The following AGBL1 variants were observed in gnomAD, a reference collection of about 807,000 sequenced individuals.
AGBL1 encodes the protein cytosolic carboxypeptidase 4.
AGBL1 carries 130 observed loss-of-function variants against 118.9 expected under a neutral mutation model. The ratio of observed to expected loss-of-function variants is 1.09; its 90% CI spans 0.95 to 1.26. The LOEUF (loss-of-function observed/expected upper bound fraction) is 1.26, where lower values mean the gene tolerates loss of function less well. Among genes scored for constraint, AGBL1 ranks in the 50% most tolerant of loss-of-function variants. The pLI, the probability that AGBL1 is intolerant of heterozygous loss-of-function variation, is 0.00. For missense variants in AGBL1, 1,584 were observed against 1,298.1 expected, an observed-to-expected ratio of 1.22 and a Z score of -3.38; for synonymous variants, 555 against 478.9, an observed-to-expected ratio of 1.16 and a Z score of -2.08.
At chr15:86,444,812 T>C (rs2082102756) in intron 18 of AGBL1, among the ~76,000 whole-genome samples, 2 of 152,180 alleles carry the variant, frequency 1.3e-5, no homozygotes, top group South Asian at 4.2e-4. Context: ...CACAGTCCCA[T>C]GACAACCACA....
At chr15:86,841,283 A>G (rs1315093551) in intron 22 of AGBL1, among the ~76,000 whole-genome samples, 2 of 152,152 alleles carry the variant, frequency 1.3e-5, no homozygotes, top group East Asian at 1.9e-4. Context: ...TCTTTTCCAG[A>G]GGGATTTTGT....
At chr15:86,572,689 G>T (rs546941179) in intron 21 of AGBL1, among the ~76,000 whole-genome samples, 1 of 152,194 alleles carries the variant, frequency 6.6e-6, no homozygotes, top group Admixed American at 6.5e-5. Context: ...AGGGTACAGG[G>T]CACAGGAGTC....
At chr15:86,571,516 G>T (rs2084005859) in intron 21 of AGBL1, among the ~76,000 whole-genome samples, 1 of 152,132 alleles carries the variant, frequency 6.6e-6, no homozygotes, top group Admixed American at 6.5e-5. Flanking sequence ...GCTCTCTGCA[G>T]CTGGTTGTCC....
chr15:86,142,910 G>C (rs545777602), intron 2 of AGBL1, among the ~76,000 whole-genome samples: 2 of 152,302 alleles, frequency 1.3e-5, no homozygotes, highest in African/African-American at 4.8e-5. Flanking sequence ...CTCTTGCAGA[G>C]AATGCTACTT....
At chr15:86,520,414 C>T (rs1279430428) in intron 18 of AGBL1, among the ~76,000 whole-genome samples, 1 of 152,156 alleles carries the variant, frequency 6.6e-6, no homozygotes, top group Non-Finnish European at 1.5e-5. Flanking sequence ...TATCTGGTAG[C>T]AGCTTGGAGT....
intron 21 of AGBL1, among the ~76,000 whole-genome samples, chr15:86,579,877 G>A (rs1422354121): frequency 6.6e-6 from 1 of 152,134 alleles, no homozygotes. Flanking sequence ...GGAAGAAGTG[G>A]GAAAAGCCTA....
At chr15:86,286,735 G>GTATATATATATATATATATA (rs535707426) in intron 16 of AGBL1, among the ~76,000 whole-genome samples, 32 of 106,250 alleles carry the variant, frequency 3.0e-4, no homozygotes, top group Non-Finnish European at 5.5e-4. Context: ...GTTTGTGTGT[G>GTATATATATATATATATATA]TATATATATA....
At chr15:86,341,797 T>C (rs865826455) in intron 17 of AGBL1, among the ~76,000 whole-genome samples, 27 of 152,272 alleles carry the variant, frequency 1.8e-4, no homozygotes, top group Admixed American at 5.2e-4. Context: ...TTGTCCTTCC[T>C]TGTTACTTGT....
At chr15:86,196,925 A>ACACT (rs34930998) in intron 5 of AGBL1, among the ~76,000 whole-genome samples, 2 of 149,102 alleles carry the variant, frequency 1.3e-5, no homozygotes, top group Non-Finnish European at 1.5e-5. Context: ...ACACACACAC[A>ACACT]CGAAAGGCCA....
At chr15:86,982,696 C>T (rs1056179502) in intron 23 of AGBL1, among the ~76,000 whole-genome samples, 4 of 152,110 alleles carry the variant, frequency 2.6e-5, no homozygotes, top group African/African-American at 9.7e-5. Flanking sequence ...AACATATTTT[C>T]TCTTTCTGGT....
chr15:86,712,630 A>T (rs1223423752), intron 22 of AGBL1, among the ~76,000 whole-genome samples: 2 of 152,212 alleles, frequency 1.3e-5, no homozygotes, highest in Non-Finnish European at 2.9e-5. Flanking sequence ...TTCACTGTGC[A>T]GCAGTGATGG....
chr15:86,599,300 AG>A (rs1449485140), intron 21 of AGBL1, among the ~76,000 whole-genome samples: 2 of 151,960 alleles, frequency 1.3e-5, no homozygotes, highest in African/African-American at 4.8e-5. Context: ...TTCTCTTTAA[AG>A]ACTGTGTGAA....
rs187045509 is a variant in AGBL1 at position 86,427,304 on chromosome 15, G to A, written c.2555+29758G>A. Among the ~76,000 whole-genome samples, 5 of 152,188 alleles carry A rather than the reference G, an allele frequency of 3.3e-5. No homozygotes were observed. In the East Asian group the frequency reaches 7.7e-4, roughly 24 times the overall value. On this transcript the variant is annotated intron_variant, in intron 18 of 22. Transcript: ENST00000614907. ...AGACCTTTTTGTAATGTTCACAGCC[G>A]AAAAACAGAAATTGCATAAGGATGA... is the stretch of plus-strand genomic sequence containing the variant.
At chr15:86,136,334 G>T (rs2076888488) in intron 1 of AGBL1, among the ~76,000 whole-genome samples, 1 of 152,226 alleles carries the variant, frequency 6.6e-6, no homozygotes, top group African/African-American at 2.4e-5. Context: ...TATGTACAAA[G>T]TGTTGTTGGA....
intron 17 of AGBL1, among the ~76,000 whole-genome samples, chr15:86,304,086 G>T (rs6496319): frequency 0.67 from 101,197 of 151,984 alleles, 34,836 homozygotes; most frequent in African/African-American, 0.82. Context: ...TATGTCAGAA[G>T]AATTGTTTAC....
intron 21 of AGBL1, among the ~76,000 whole-genome samples, chr15:86,601,866 A>C (rs1328610143): frequency 6.6e-6 from 1 of 152,206 alleles, no homozygotes; most frequent in Non-Finnish European, 1.5e-5. Context: ...CAGGATAAAT[A>C]TGTGCCTAAA....
rs753864298 is a variant in AGBL1 at position 86,264,405 on chromosome 15, C to G, written c.1234C>G (p.Gln412Glu). Residue 412 changes from glutamine (Q) to glutamate (E), a missense_variant, in exon 11 of 23, where the codon CAG becomes GAG. By Grantham distance (29) the Gln-to-Glu change is conservative (BLOSUM62 2). Coordinates refer to ENST00000614907, the MANE Select transcript of AGBL1 (RefSeq NM_001386094.1). ...TGGGCAAGAAAGAGAATATGCTGTCCAGACTTCCCTTCTGTGCAGGGTGAA... is the reference window on the plus strand; with the variant it reads ...TGGGCAAGAAAGAGAATATGCTGTCGAGACTTCCCTTCTGTGCAGGGTGAA... ...SCGQEREYAV[Q>E]TSLLCRVKTG... is the part of the protein sequence containing the mutation. 1.9e-6 allele frequency: 3 copies of G among 1,613,844 alleles called. No individual in the cohort carries two copies. The African/African-American group carries it at 4.0e-5, about 22-fold the overall frequency.
At chr15:86,765,709 A>T (rs987228921) in intron 22 of AGBL1, among the ~76,000 whole-genome samples, 6 of 151,968 alleles carry the variant, frequency 3.9e-5, no homozygotes, top group African/African-American at 1.4e-4. Flanking sequence ...TTTTTTAAAA[A>T]TTTTTAAAAA....
At chr15:86,465,580 C>A (rs1030573208) in intron 18 of AGBL1, among the ~76,000 whole-genome samples, 1 of 152,146 alleles carries the variant, frequency 6.6e-6, no homozygotes. Context: ...CCTGGGAAAA[C>A]GAATGCATTC....
Sources: gnomAD v4.1 joint callset for allele counts (sites outside exome capture counted in the v4.1 genomes callset) on GRCh38, gnomAD v4.1.1 for gene constraint, MANE v1.5 for transcripts, NCBI Gene and HGNC (gene_info 2026-07-23, HGNC 2026-07-21) for gene names.